The following LRIG3 variants were observed in gnomAD, a reference collection of about 807,000 sequenced individuals.
LRIG3 encodes leucine-rich repeats and immunoglobulin-like domains protein 3.
LRIG3 carries 76 observed loss-of-function variants against 114.5 expected under a neutral mutation model. That is an observed-to-expected ratio of 0.66 (90% CI 0.55 to 0.80). LRIG3 has a LOEUF of 0.80. Among genes scored for constraint, LRIG3 ranks in the 30% least tolerant of loss-of-function variants. LRIG3 has a pLI of 0.00. For missense variants in LRIG3, 1,239 were observed against 1,382.8 expected, an observed-to-expected ratio of 0.90 and a Z score of 1.65; for synonymous variants, 512 against 519.8, an observed-to-expected ratio of 0.98 and a Z score of 0.20.
chr12:58,919,155 A>G (rs1441005712), intron 1 of LRIG3, among the ~76,000 whole-genome samples: 1 of 152,082 alleles, frequency 6.6e-6, no homozygotes, highest in Non-Finnish European at 1.5e-5. Context: ...GGACTGAGGA[A>G]GAAAAGAGAT....
intron 1 of LRIG3, chr12:58,919,296 G>T: frequency 3.2e-6 from 4 of 1,248,576 alleles, no homozygotes; most frequent in Non-Finnish European, 4.4e-6. Flanking sequence ...AGCTCCCTGC[G>T]CTCTCCCCTA....
In LRIG3 at chr12:58,885,143, C is replaced by T. The variant is rs1592297381; in HGVS notation, c.1244+688G>A. Among the ~76,000 whole-genome samples, 4 of 152,224 alleles carry T rather than the reference C, an allele frequency of 2.6e-5. 1 individual carries two copies. The highest frequency in any genetic ancestry group is 9.6e-5 in the African/African-American group (4 of 41,540). ...TGTGATGCAGGGACACTGTGCAAGT[C>T]GGGGCAGCTCTGGGTTGCGTCCTGC... On this transcript the variant is annotated intron_variant, in intron 10 of 18. Coordinates refer to ENST00000320743, the MANE Select transcript of LRIG3 (RefSeq NM_153377.5).
In LRIG3 at chr12:58,913,993, T is replaced by A. The variant is rs769690531; in HGVS notation, c.372A>T (p.Thr124=). 4 of 1,610,574 alleles carry A rather than the reference T, an allele frequency of 2.5e-6. No homozygotes were observed. The highest frequency in any genetic ancestry group is 1.7e-6 in the Non-Finnish European group (2 of 1,178,906). Residue 124 remains threonine (T), a synonymous_variant, in exon 3 of 19, where the codon ACA becomes ACT. Transcript: ENST00000320743. ...TGATATTCACTTACAAGGAGAGAAG[T>A]GTAATATTTGCCGAGACTGGTCCCA... ...PNLGPVSANI[T]LLSLAGNRIV...
chr12:58,881,143 G>C (rs1179427954), intron 12 of LRIG3, among the ~76,000 whole-genome samples: 1 of 152,164 alleles, frequency 6.6e-6, no homozygotes, highest in African/African-American at 2.4e-5. Flanking sequence ...CCTGAGAAAA[G>C]ACTGTTATTT....
intron 7 of LRIG3, 115 bp downstream of exon 7, chr12:58,888,214 A>C: frequency 7.8e-7 from 1 of 1,288,708 alleles, no homozygotes; most frequent in Non-Finnish European, 1.0e-6. Flanking sequence ...ATGTGAAAAA[A>C]GCTGTCACCT....
rs199712889 is a variant in LRIG3, at chr12:58,888,958, A to G, written c.664T>C (p.Leu222=). The change falls in exon 6 of 19, where the codon TTG becomes CTG. Residue 222 remains leucine, a synonymous_variant. Coordinates refer to ENST00000320743, the MANE Select transcript of LRIG3 (RefSeq NM_153377.5). The part of the protein sequence containing the change: ...FKLPQLQHLE[L]NRNKIKNVDG... The stretch of plus-strand genomic sequence containing the variant: ...ACATTTTTAATCTTGTTTCGGTTCA[A>G]TTCGCTGCATTGAGTATTACAAGAG... 17 of 1,612,848 alleles carry G rather than the reference A, an allele frequency of 1.1e-5. No homozygotes were observed. The highest frequency in any genetic ancestry group is 1.7e-5 in the Admixed American group (1 of 59,812).
chr12:58,898,813 C>A (rs1871738005), intron 3 of LRIG3, among the ~76,000 whole-genome samples: 1 of 152,156 alleles, frequency 6.6e-6, no homozygotes, highest in Non-Finnish European at 1.5e-5. Flanking sequence ...CACATGCCAC[C>A]ACGCCCAGCT....
At chr12:58,918,227 G>A (rs1162155402) in intron 1 of LRIG3, among the ~76,000 whole-genome samples, 1 of 152,206 alleles carries the variant, frequency 6.6e-6, no homozygotes, top group Non-Finnish European at 1.5e-5. Flanking sequence ...TTTACTGCTG[G>A]TGGAAATGTA....
At chr12:58,881,418 G>T (rs533065579) in intron 12 of LRIG3, among the ~76,000 whole-genome samples, 61 of 139,304 alleles carry the variant, frequency 4.4e-4, no homozygotes, top group African/African-American at 1.6e-3. Context: ...TTTAGGTAGA[G>T]GCAAAAAAAA....
intron 3 of LRIG3, among the ~76,000 whole-genome samples, chr12:58,905,998 C>A (rs1296409001): frequency 2.0e-5 from 3 of 152,132 alleles, no homozygotes; most frequent in African/African-American, 7.2e-5. Flanking sequence ...AAAATGATGT[C>A]CTTTACATGT....
In LRIG3 at chr12:58,888,820, A is replaced by G. The variant is rs777908406; in HGVS notation, c.802T>C (p.Leu268=). Residue 268 remains leucine, a splice_region_variant and synonymous_variant, in exon 6 of 19, where the codon TTG becomes CTG. Coordinates refer to ENST00000320743, the MANE Select transcript of LRIG3 (RefSeq NM_153377.5). ...AFWGLSNMEI[L]QLDHNNLTEI... is the part of the protein sequence containing the mutation. ...GGAACTGTGATAACCCACACTTACA[A>G]AATTTCCATGTTGCTCAGCCCCCAA... The G allele has an allele frequency of 1.2e-6, 2 of 1,613,522 alleles. No homozygotes were observed. The highest frequency in any genetic ancestry group is 2.2e-5 in the South Asian group (2 of 91,030).
rs754438038 is a variant in LRIG3, at chr12:58,914,073, A to C, written c.309-17T>G. The C allele has an allele frequency of 6.3e-7, 1 of 1,592,432 alleles. No homozygotes were observed. Among genetic ancestry groups the C allele is most frequent in the Non-Finnish European group, 8.5e-7 (1 of 1,174,704 alleles). On this transcript the variant is annotated splice_polypyrimidine_tract_variant and intron_variant, in intron 2 of 18. Transcript: ENST00000320743. The stretch of plus-strand genomic sequence containing the variant: ...TTCAGTTTCCTACAAATGCCAAAAA[A>C]AAAAAGAAAAAGAAAAGCTGATTAG...
Position 58,888,469 on chromosome 12 carries a change from C to A in LRIG3, c.807G>T (p.Gln269His). ...FWGLSNMEIL[Q>H]LDHNNLTEIT... ...TCTCTGTTAGGTTGTTATGGTCCAG[C>A]TGCCTACATTTACAGTAAGAATCAA... is the stretch of plus-strand genomic sequence containing the variant. The change falls in exon 7 of 19, where the codon CAG becomes CAT. Residue 269 changes from glutamine (Q) to histidine (H), a missense_variant. Physicochemically the swap from Gln to His is conservative, Grantham distance 24 (BLOSUM62 0). Transcript: ENST00000320743. 1 of 1,612,888 alleles carries A rather than the reference C, an allele frequency of 6.2e-7. No homozygotes were observed. Among genetic ancestry groups the A allele is most frequent in the South Asian group, 1.1e-5 (1 of 91,038 alleles).
intron 3 of LRIG3, among the ~76,000 whole-genome samples, chr12:58,903,589 T>G (rs971197987): frequency 6.6e-6 from 1 of 151,968 alleles, no homozygotes; most frequent in Non-Finnish European, 1.5e-5. Context: ...ATTTGTCAAT[T>G]TTGTCTTTTG....
At chr12:58,888,211 A>G (rs1871339364) in intron 7 of LRIG3, 118 bp downstream of exon 7, 3 of 1,276,424 alleles carry the variant, frequency 2.4e-6, no homozygotes, top group Non-Finnish European at 3.2e-6. Context: ...TGCATGTGAA[A>G]AAAGCTGTCA....
At chr12:58,874,623 A>G in intron 16 of LRIG3, 50 bp from the exon 17 acceptor site, 10 of 1,605,074 alleles carry the variant, frequency 6.2e-6, no homozygotes, top group Non-Finnish European at 8.5e-6. Flanking sequence ...AGTGCCATTC[A>G]ACATTCTCCC....
In LRIG3 at chr12:58,874,104, A is replaced by G; in HGVS notation, c.3066T>C (p.Phe1022=). 1 of 1,614,246 alleles carries G rather than the reference A, an allele frequency of 6.2e-7. No individual in the cohort carries two copies. The highest frequency in any genetic ancestry group is 8.5e-7 in the Non-Finnish European group (1 of 1,180,038). ...CCGACGCTGGCTCTGGATTTGCACT[A>G]AAATCTAAAGAGGACTTGTTTAGAC... ...NLCLNKSSLD[F]SANPEPASVA... Residue 1022 remains phenylalanine, a synonymous_variant, in exon 18 of 19, where the codon TTT becomes TTC. Transcript: ENST00000320743.
At chr12:58,876,663 T>A (rs2120871877) in intron 15 of LRIG3, 60 bp from the exon 16 acceptor site, 1 of 1,578,862 alleles carries the variant, frequency 6.3e-7, no homozygotes, top group Non-Finnish European at 8.7e-7. Context: ...CCCACAGGCA[T>A]CCCGGGTGAA....
chr12:58,881,031 G>C, intron 12 of LRIG3, 130 bp from the exon 13 acceptor site: 1 of 786,306 alleles, frequency 1.3e-6, no homozygotes, highest in Non-Finnish European at 2.1e-6. Context: ...TTTTCCAGAT[G>C]GACTAGCCGT....
Sources: allele counts gnomAD v4.1 joint callset (sites outside exome capture counted in the v4.1 genomes callset), GRCh38; gene constraint gnomAD v4.1.1; transcripts MANE v1.5; gene names NCBI Gene and HGNC (gene_info 2026-07-23, HGNC 2026-07-21).